Variants in KCNIP4 observed in about 807,000 individuals in gnomAD.
KCNIP4 encodes the protein potassium voltage-gated channel interacting protein 4, also known as Kv channel-interacting protein 4.
In KCNIP4, 12 loss-of-function variants were observed where a neutral mutation model predicts 34.0. The observed-to-expected ratio is 0.35, with a 90% CI of 0.23 to 0.57. The LOEUF is 0.57. Ranked by LOEUF, KCNIP4 falls within the 20% of genes least tolerant of loss-of-function variation. KCNIP4 has a pLI of 0.83. For missense variants in KCNIP4, 238 were observed against 311.7 expected (o/e 0.76, Z 1.78); for synonymous variants, 124 against 102.2 (o/e 1.21, Z -1.29).
intron 3 of KCNIP4, among the ~76,000 whole-genome samples, chr4:20,817,634 CT>C (rs943842177): frequency 2.0e-4 from 29 of 146,396 alleles, no homozygotes; most frequent in African/African-American, 6.0e-4. Flanking sequence ...CTCATTTTAC[CT>C]TTTTTTTTTC....
intron 1 of KCNIP4, among the ~76,000 whole-genome samples, chr4:21,087,560 T>C (rs1746582850): frequency 6.6e-6 from 1 of 152,094 alleles, no homozygotes; most frequent in African/African-American, 2.4e-5. Context: ...AGTGATGGGA[T>C]TACAGGCGTG....
At chr4:21,709,106 C>T (rs1713512042) in intron 1 of KCNIP4, among the ~76,000 whole-genome samples, 1 of 151,922 alleles carries the variant, frequency 6.6e-6, no homozygotes, top group Non-Finnish European at 1.5e-5. Flanking sequence ...CTTTCTGTCT[C>T]ATTCTGTTGT....
chr4:21,540,725 T>C (rs1737608835), intron 1 of KCNIP4, among the ~76,000 whole-genome samples: 1 of 152,196 alleles, frequency 6.6e-6, no homozygotes, highest in Admixed American at 6.5e-5. Context: ...ACTACAGATC[T>C]AACTTATAAA....
At chr4:20,987,040 C>A (rs893469942) in intron 1 of KCNIP4, among the ~76,000 whole-genome samples, 3 of 152,066 alleles carry the variant, frequency 2.0e-5, no homozygotes, top group African/African-American at 7.2e-5. Flanking sequence ...GGTGACAGCA[C>A]CATAAGAGGA....
chr4:21,771,512 G>A (rs1195856731), intron 1 of KCNIP4, among the ~76,000 whole-genome samples: 1 of 152,166 alleles, frequency 6.6e-6, no homozygotes, highest in South Asian at 2.1e-4. Context: ...GAATAGCATT[G>A]AATCTATAAA....
chr4:21,053,682 A>G (rs1010459921), intron 1 of KCNIP4, among the ~76,000 whole-genome samples: 4 of 152,236 alleles, frequency 2.6e-5, no homozygotes, highest in African/African-American at 9.6e-5. Context: ...ATACAAGATT[A>G]GTTTATAAAA....
intron 1 of KCNIP4, among the ~76,000 whole-genome samples, chr4:21,076,896 G>A (rs543785666): frequency 1.3e-5 from 2 of 152,264 alleles, no homozygotes; most frequent in African/African-American, 4.8e-5. Flanking sequence ...GCCAAAGCAG[G>A]TGGATTGCCT....
intron 1 of KCNIP4, among the ~76,000 whole-genome samples, chr4:21,507,976 T>C (rs1706541935): frequency 6.6e-6 from 1 of 152,200 alleles, no homozygotes; most frequent in Admixed American, 6.5e-5. Flanking sequence ...GAATCTCTTT[T>C]TATCCCCAGA....
chr4:20,899,916 A>C (rs1726984305), intron 1 of KCNIP4, among the ~76,000 whole-genome samples: 1 of 152,214 alleles, frequency 6.6e-6, no homozygotes, highest in African/African-American at 2.4e-5. Flanking sequence ...ACACAGTGGA[A>C]CTAAATTTTT....
intron 1 of KCNIP4, among the ~76,000 whole-genome samples, chr4:21,003,519 A>AT (rs1434658001): frequency 1.3e-5 from 2 of 152,366 alleles, no homozygotes; most frequent in South Asian, 2.1e-4. Flanking sequence ...ACTCTGAGAT[A>AT]TTTTGTCCCT....
chr4:21,916,243 C>T (rs374426232), intron 1 of KCNIP4, among the ~76,000 whole-genome samples: 14 of 152,126 alleles, frequency 9.2e-5, no homozygotes, highest in African/African-American at 1.4e-4. Flanking sequence ...TCCTGTGTGA[C>T]GTAGAATTTA....
At chr4:21,902,449 T>C (rs1353271181) in intron 1 of KCNIP4, among the ~76,000 whole-genome samples, 1 of 151,710 alleles carries the variant, frequency 6.6e-6, no homozygotes, top group Non-Finnish European at 1.5e-5. Flanking sequence ...TAAAAGAACG[T>C]GGTGGTCTGA....
intron 1 of KCNIP4, among the ~76,000 whole-genome samples, chr4:21,136,366 G>T (rs1751500754): frequency 6.6e-6 from 1 of 152,150 alleles, no homozygotes; most frequent in African/African-American, 2.4e-5. Context: ...AACAATGGAA[G>T]CAGAAAAGTA....
At chr4:21,517,928 G>A (rs1246426848) in intron 1 of KCNIP4, among the ~76,000 whole-genome samples, 2 of 152,110 alleles carry the variant, frequency 1.3e-5, no homozygotes, top group African/African-American at 4.8e-5. Flanking sequence ...GGTTTGCTAT[G>A]TGGATGTTAT....
chr4:21,636,066 A>T (rs1027892282), intron 1 of KCNIP4, among the ~76,000 whole-genome samples: 2 of 145,218 alleles, frequency 1.4e-5, no homozygotes, highest in African/African-American at 5.1e-5. Context: ...ACATATTCTC[A>T]CTCATAGGTG....
chr4:21,159,104 C>T (rs1007119560), intron 1 of KCNIP4, among the ~76,000 whole-genome samples: 1 of 152,026 alleles, frequency 6.6e-6, no homozygotes, highest in South Asian at 2.1e-4. Context: ...AATCAACAAG[C>T]TGATTTGAAA....
chr4:21,000,722 A>T (rs1738054871), intron 1 of KCNIP4, among the ~76,000 whole-genome samples: 1 of 152,170 alleles, frequency 6.6e-6, no homozygotes, highest in African/African-American at 2.4e-5. Flanking sequence ...CCCATTTAAA[A>T]TGGGGTATGT....
intron 2 of KCNIP4, among the ~76,000 whole-genome samples, chr4:20,871,008 T>C (rs957676998): frequency 3.3e-5 from 5 of 152,150 alleles, no homozygotes; most frequent in African/African-American, 1.2e-4. Flanking sequence ...AATGATCTCT[T>C]TGAATATCTG....
intron 1 of KCNIP4, among the ~76,000 whole-genome samples, chr4:21,881,171 G>A (rs1414620203): frequency 6.6e-6 from 1 of 151,998 alleles, no homozygotes; most frequent in South Asian, 2.1e-4. Flanking sequence ...AAATTTTGCT[G>A]TTCTGTCTTG....
Sources: allele counts gnomAD v4.1 joint callset (sites outside exome capture counted in the v4.1 genomes callset), GRCh38; gene constraint gnomAD v4.1.1; transcripts MANE v1.5; gene names NCBI Gene and HGNC (gene_info 2026-07-23, HGNC 2026-07-21).